Variants in IL23R observed in about 807,000 individuals in gnomAD.
The protein encoded by IL23R is interleukin-23 receptor.
A neutral mutation model predicts 56.9 loss-of-function variants in IL23R; 34 were observed. That is an observed-to-expected ratio of 0.60 (90% CI 0.45 to 0.80). The LOEUF is 0.80. IL23R is among the 30% of genes least tolerant of loss of function. The pLI is 0.00. For synonymous variants in IL23R, 230 were observed against 249.2 expected, an observed-to-expected ratio of 0.92 and a Z score of 0.73; for missense variants, 635 against 730.0, an observed-to-expected ratio of 0.87 and a Z score of 1.50.
intron 6 of IL23R, chr1:67,207,651 CT>C: frequency 1.0e-5 from 4 of 399,028 alleles, no homozygotes; most frequent in South Asian, 3.8e-5. Flanking sequence ...TAAGAAGAGC[CT>C]TTTGCCTCCC....
chr1:67,208,383 T>C (rs563118920), intron 6 of IL23R, among the ~76,000 whole-genome samples: 4 of 152,308 alleles, frequency 2.6e-5, no homozygotes, highest in South Asian at 2.1e-4. Flanking sequence ...CAGAGACCTT[T>C]ACAGCAGCCC....
At chr1:67,205,912 TTTCTTTCTTTC>T (rs1648994926) in intron 5 of IL23R, among the ~76,000 whole-genome samples, 1 of 100,556 alleles carries the variant, frequency 9.9e-6, no homozygotes, top group Non-Finnish European at 2.3e-5. Context: ...TCTTTCTTTC[TTTCTTTCTTTC>T]TTTTTCTTTC....
intron 3 of IL23R, among the ~76,000 whole-genome samples, chr1:67,169,850 C>T (rs889689922): frequency 3.3e-5 from 5 of 152,084 alleles, no homozygotes; most frequent in African/African-American, 7.2e-5. Flanking sequence ...CACAGGTGCC[C>T]GGTATTCCTA....
chr1:67,228,061 C>CCTTCTTTCTT (rs1650813379), intron 7 of IL23R, among the ~76,000 whole-genome samples: 1 of 104,132 alleles, frequency 9.6e-6, no homozygotes, highest in African/African-American at 4.0e-5. Flanking sequence ...TTCTTTCTTT[C>CCTTCTTTCTT]TCTGTCTCTC....
chr1:67,205,903 C>CT (rs1385544917), intron 5 of IL23R, among the ~76,000 whole-genome samples: 3 of 123,490 alleles, frequency 2.4e-5, no homozygotes. Flanking sequence ...TTCTTTCTTT[C>CT]TTTCTTTCTT....
chr1:67,196,008 G>A (rs1648119620), intron 4 of IL23R: 1 of 152,274 alleles, frequency 6.6e-6, no homozygotes, highest in African/African-American at 2.4e-5. Flanking sequence ...ATATATAGTA[G>A]TAACAGGACT....
chr1:67,200,056 T>C (rs1354285964), intron 4 of IL23R, among the ~76,000 whole-genome samples: 1 of 152,226 alleles, frequency 6.6e-6, no homozygotes, highest in Non-Finnish European at 1.5e-5. Flanking sequence ...GTTTTTGTTT[T>C]TGAGACGGAG....
At chr1:67,148,529 G>A (rs998099988) in intron 1 of IL23R, among the ~76,000 whole-genome samples, 2 of 152,218 alleles carry the variant, frequency 1.3e-5, no homozygotes, top group African/African-American at 4.8e-5. Context: ...TGTGAGCTGA[G>A]TTACAAGCCT....
intron 5 of IL23R, among the ~76,000 whole-genome samples, chr1:67,203,986 A>G (rs1278950543): frequency 5.3e-5 from 8 of 152,272 alleles, no homozygotes; most frequent in African/African-American, 1.9e-4. Context: ...TGTTGGAAAG[A>G]TGCTAAAAGG....
Position 67,216,275 on chromosome 1 carries a change from A to C in IL23R, c.799-3299A>C, listed in dbSNP as rs557110293. ...GAGATGTGCCATGATCATTTTTTGC[A>C]TCTCCATTGATTTTTATAATGTCAA... On this transcript the variant is annotated intron_variant, in intron 6 of 10. Coordinates refer to ENST00000347310, the MANE Select transcript of IL23R (RefSeq NM_144701.3). Among the ~76,000 whole-genome samples the C allele has an allele frequency of 5.3e-5, 8 of 152,260 alleles. No individual in the cohort carries two copies. In the South Asian group the frequency reaches 1.7e-3, roughly 32 times the overall value.
At chr1:67,143,772 T>A (rs968668862) in intron 1 of IL23R, among the ~76,000 whole-genome samples, 3 of 152,186 alleles carry the variant, frequency 2.0e-5, no homozygotes, top group Admixed American at 6.5e-5. Context: ...TATGAAGCTG[T>A]AGGTGACCTT....
intron 1 of IL23R, among the ~76,000 whole-genome samples, chr1:67,148,197 G>T (rs1232950292): frequency 6.6e-6 from 1 of 152,256 alleles, no homozygotes; most frequent in Admixed American, 6.5e-5. Context: ...CGGATCCAGA[G>T]GGGTGGAAGT....
intron 5 of IL23R, among the ~76,000 whole-genome samples, chr1:67,201,671 GT>G (rs1648652277): frequency 6.6e-6 from 1 of 151,790 alleles, no homozygotes; most frequent in Non-Finnish European, 1.5e-5. Context: ...CTTATGTAAG[GT>G]TTTTTTGTTT....
At chr1:67,201,861 A>G (rs1374121030) in intron 5 of IL23R, among the ~76,000 whole-genome samples, 4 of 152,092 alleles carry the variant, frequency 2.6e-5, no homozygotes, top group African/African-American at 7.2e-5. Flanking sequence ...AATTTAATCT[A>G]TAGTTTTATT....
At chr1:67,178,171 T>C (rs977963246) in intron 3 of IL23R, among the ~76,000 whole-genome samples, 5 of 152,302 alleles carry the variant, frequency 3.3e-5, no homozygotes, top group Non-Finnish European at 7.3e-5. Flanking sequence ...ATTGGTAGCT[T>C]GATGGGGATG....
chr1:67,245,438 T>C (rs764377748), intron 9 of IL23R, among the ~76,000 whole-genome samples: 1 of 152,236 alleles, frequency 6.6e-6, no homozygotes, highest in Non-Finnish European at 1.5e-5. Flanking sequence ...TGATATTGTC[T>C]GTGGGTTTGT....
intron 7 of IL23R, among the ~76,000 whole-genome samples, chr1:67,229,013 G>T (rs920630850): frequency 1.3e-5 from 2 of 152,146 alleles, no homozygotes; most frequent in South Asian, 2.1e-4. Flanking sequence ...ACCAACATGT[G>T]TATGGGGATT....
At chr1:67,199,176 G>A (rs1406370159) in intron 4 of IL23R, among the ~76,000 whole-genome samples, 4 of 152,274 alleles carry the variant, frequency 2.6e-5, no homozygotes, top group Non-Finnish European at 1.5e-5. Context: ...GTAGCTCATG[G>A]AAGGTCTTCT....
intron 4 of IL23R, among the ~76,000 whole-genome samples, chr1:67,197,755 G>A (rs554037727): frequency 6.6e-6 from 1 of 152,216 alleles, no homozygotes; most frequent in South Asian, 2.1e-4. Context: ...GCTGGCCTGG[G>A]CAATGTGGCA....
Sources: gnomAD v4.1 joint callset for allele counts (sites outside exome capture counted in the v4.1 genomes callset) on GRCh38, gnomAD v4.1.1 for gene constraint, MANE v1.5 for transcripts, NCBI Gene and HGNC (gene_info 2026-07-23, HGNC 2026-07-21) for gene names.